EML4: variants seen among roughly 807,000 people sequenced by gnomAD.
EML4 encodes the protein EMAP like 4, also known as echinoderm microtubule-associated protein-like 4.
Under a neutral mutation model 129.0 loss-of-function variants are expected in EML4, and 72 were observed. That is an observed-to-expected ratio of 0.56 (90% CI 0.46 to 0.68). The LOEUF (loss-of-function observed/expected upper bound fraction) is 0.68, where lower values mean the gene tolerates loss of function less well. Ranked by LOEUF, EML4 falls within the 30% of genes least tolerant of loss-of-function variation. EML4 has a pLI of 0.00. For missense variants in EML4, 1,363 were observed against 1,190.6 expected (o/e 1.14, Z -2.13); for synonymous variants, 532 against 405.0 (o/e 1.31, Z -3.77).
At chr2:42,220,681 TGAA>T (rs1399599264) in intron 1 of EML4, among the ~76,000 whole-genome samples, 1 of 152,162 alleles carries the variant, frequency 6.6e-6, no homozygotes, top group Non-Finnish European at 1.5e-5. Context: ...CTAGAAATGA[TGAA>T]GCTTAGATGA....
Position 42,328,981 on chromosome 2 carries a change from G to C in EML4, c.2437G>C (p.Val813Leu), listed in dbSNP as rs1200882862. ...VIAVADDFCK[V>L]HLFQYPCSKA... ...AGCTGTTGCCGATGACTTTTGTAAAGTCCATCTGTTTCAGTATCCCTGCTC... is the reference window on the plus strand; with the variant it reads ...AGCTGTTGCCGATGACTTTTGTAAACTCCATCTGTTTCAGTATCCCTGCTC... The change falls in exon 22 of 23, where the codon GTC becomes CTC. Residue 813 changes from valine to leucine, a missense_variant. Transcript: ENST00000318522. 6.2e-7 allele frequency: 1 copy of C among 1,613,118 alleles called. No homozygotes were observed. Among genetic ancestry groups the C allele is most frequent in the Non-Finnish European group, 8.5e-7 (1 of 1,179,870 alleles).
intron 6 of EML4, among the ~76,000 whole-genome samples, chr2:42,278,110 C>A (rs541625590): frequency 2.0e-5 from 3 of 152,298 alleles, no homozygotes; most frequent in East Asian, 3.9e-4. Context: ...AAGTGCTAGA[C>A]ATTTCCCATG....
At chr2:42,258,557 C>A (rs1442190234) in intron 3 of EML4, among the ~76,000 whole-genome samples, 1 of 152,054 alleles carries the variant, frequency 6.6e-6, no homozygotes, top group African/African-American at 2.4e-5. Context: ...TGCGCCACCA[C>A]ACCCAGCTAA....
intron 1 of EML4, among the ~76,000 whole-genome samples, chr2:42,178,370 C>G (rs908730895): frequency 6.6e-6 from 1 of 151,242 alleles, no homozygotes; most frequent in Non-Finnish European, 1.5e-5. Flanking sequence ...TAGTGAGACC[C>G]TGTCTCTACC....
intron 1 of EML4, among the ~76,000 whole-genome samples, chr2:42,180,747 C>G (rs574830617): frequency 6.6e-6 from 1 of 152,356 alleles, no homozygotes; most frequent in Non-Finnish European, 1.5e-5. Flanking sequence ...TGATACATTA[C>G]TAATTCTCAG....
intron 8 of EML4, among the ~76,000 whole-genome samples, chr2:42,284,007 T>C (rs1667155658): frequency 6.6e-6 from 1 of 152,238 alleles, no homozygotes; most frequent in Non-Finnish European, 1.5e-5. Flanking sequence ...AGAAATTTGC[T>C]AGTCACTCAT....
chr2:42,264,950 A>G (rs1234205870), intron 6 of EML4: 2 of 1,550,336 alleles, frequency 1.3e-6, no homozygotes, highest in Non-Finnish European at 1.7e-6. Context: ...AAAACAGCCA[A>G]GGTAAGAATA....
At chr2:42,176,985 G>GTT (rs1670643470) in intron 1 of EML4, among the ~76,000 whole-genome samples, 1 of 152,074 alleles carries the variant, frequency 6.6e-6, no homozygotes, top group Non-Finnish European at 1.5e-5. Flanking sequence ...GTAGAGACGG[G>GTT]TTTCACCATG....
chr2:42,188,785 C>A (rs1277150275), intron 1 of EML4, among the ~76,000 whole-genome samples: 1 of 152,100 alleles, frequency 6.6e-6, no homozygotes, highest in Admixed American at 6.6e-5. Context: ...CTTGGCTTCC[C>A]ATAGGGCTGG....
At chr2:42,303,932 A>G (rs1422921931) in intron 16 of EML4, among the ~76,000 whole-genome samples, 1 of 152,216 alleles carries the variant, frequency 6.6e-6, no homozygotes, top group African/African-American at 2.4e-5. Flanking sequence ...CTCAAAAAAT[A>G]AAAAATAGAA....
intron 1 of EML4, among the ~76,000 whole-genome samples, chr2:42,177,663 T>C (rs995787529): frequency 1.3e-5 from 2 of 152,180 alleles, no homozygotes; most frequent in African/African-American, 4.8e-5. Context: ...TATGTTCTTA[T>C]TTCTCATTTC....
Position 42,245,522 on chromosome 2 carries a change from G to T in EML4, c.43G>T (p.Ala15Ser). Reference protein sequence around the residue: ...AGSLDDSISAASTSDVQDRLS... With the variant: ...AGSLDDSISASSTSDVQDRLS... ...TTTTATAGATGATAGTATTTCTGCT[G>T]CAAGTACTTCTGATGTTCAAGATCG... is the stretch of plus-strand genomic sequence containing the variant. Residue 15 changes from alanine to serine, a missense_variant, in exon 2 of 23, where the codon GCA becomes TCA. Physicochemically the swap from Ala to Ser is moderately conservative, Grantham distance 99 (BLOSUM62 1). Transcript: ENST00000318522. 1 of 1,612,472 alleles carries T rather than the reference G, an allele frequency of 6.2e-7. No homozygotes were observed. Among genetic ancestry groups the T allele is most frequent in the Non-Finnish European group, 8.5e-7 (1 of 1,178,998 alleles).
intron 19 of EML4, among the ~76,000 whole-genome samples, chr2:42,323,357 T>TA (rs1669619374): frequency 6.6e-6 from 1 of 151,718 alleles, no homozygotes; most frequent in Non-Finnish European, 1.5e-5. Context: ...ATTGATTTCT[T>TA]AAGTTAGTAG....
intron 6 of EML4, among the ~76,000 whole-genome samples, chr2:42,265,439 C>T (rs545839081): frequency 8.5e-5 from 13 of 152,134 alleles, no homozygotes; most frequent in African/African-American, 3.1e-4. Flanking sequence ...GGAGTTTCAC[C>T]GTGTTGGCCA....
At chr2:42,180,291 TC>T (rs1203885149) in intron 1 of EML4, among the ~76,000 whole-genome samples, 1 of 152,240 alleles carries the variant, frequency 6.6e-6, no homozygotes, top group African/African-American at 2.4e-5. Flanking sequence ...GAAACATGTC[TC>T]TGGACCAGAG....
intron 1 of EML4, among the ~76,000 whole-genome samples, chr2:42,200,153 C>CAA (rs11421705): frequency 0.019 from 1,645 of 84,398 alleles, 20 homozygotes; most frequent in African/African-American, 0.037. Context: ...ACTAAAAATA[C>CAA]AAAAAAAAAA....
At chr2:42,193,509 A>G (rs532690252) in intron 1 of EML4, among the ~76,000 whole-genome samples, 137 of 152,320 alleles carry the variant, frequency 9.0e-4, no homozygotes, top group African/African-American at 3.2e-3. Flanking sequence ...TTGCAATTTT[A>G]TTTCTTAGGG....
At chr2:42,187,134 C>A (rs1295071423) in intron 1 of EML4, among the ~76,000 whole-genome samples, 2 of 151,932 alleles carry the variant, frequency 1.3e-5, no homozygotes, top group Non-Finnish European at 2.9e-5. Flanking sequence ...ACGTCCAATT[C>A]CTGGGCTCAA....
At chr2:42,248,941 A>G (rs1675590725) in intron 2 of EML4, among the ~76,000 whole-genome samples, 1 of 152,186 alleles carries the variant, frequency 6.6e-6, no homozygotes, top group South Asian at 2.1e-4. Flanking sequence ...CAATAGTGAT[A>G]TTAAGACATT....
Sources: gnomAD v4.1 joint callset for allele counts (sites outside exome capture counted in the v4.1 genomes callset) on GRCh38, gnomAD v4.1.1 for gene constraint, MANE v1.5 for transcripts, NCBI Gene and HGNC (gene_info 2026-07-23, HGNC 2026-07-21) for gene names.